Variants in CD99L2 observed in about 807,000 individuals in gnomAD.
CD99L2 encodes CD99 antigen-like protein 2.
In CD99L2, 24 loss-of-function variants were observed where a neutral mutation model predicts 27.3. The observed-to-expected ratio is 0.88, with a 90% CI of 0.64 to 1.24. CD99L2 has a LOEUF of 1.24. Among genes scored for constraint, CD99L2 ranks in the 50% most tolerant of loss-of-function variants. CD99L2 has a pLI of 0.00. For synonymous variants in CD99L2, 97 were observed against 87.9 expected, an observed-to-expected ratio of 1.10 and a Z score of -0.58; for missense variants, 255 against 221.6, an observed-to-expected ratio of 1.15 and a Z score of -0.96.
At chrX:150,776,407 C>T (rs2043554416) in intron 8 of CD99L2, 114 bp from the exon 9 acceptor site, 1 of 894,676 alleles carries the variant, frequency 1.1e-6, no homozygotes, top group Non-Finnish European at 1.5e-6. Context: ...CGCCCCCAAC[C>T]CCCAAGCCAG....
At chrX:150,896,081 A>AGCT (rs1486544682) in intron 1 of CD99L2, among the ~76,000 whole-genome samples, 19 of 109,596 alleles carry the variant, frequency 1.7e-4, no homozygotes, top group African/African-American at 6.3e-4. Context: ...TTGAAACCAA[A>AGCT]GCTGCTTCTG....
chrX:150,798,666 A>G (rs782164656), intron 4 of CD99L2, among the ~76,000 whole-genome samples: 3 of 71,546 alleles, frequency 4.2e-5, no homozygotes, highest in African/African-American at 5.4e-5. Flanking sequence ...ACTGGATTTG[A>G]TGATGATTTC....
intron 2 of CD99L2, among the ~76,000 whole-genome samples, chrX:150,823,442 C>T (rs150696818): frequency 0.055 from 6,106 of 110,220 alleles, 146 homozygotes; most frequent in South Asian, 0.13. Context: ...TGTGCCACCA[C>T]GCCCAGCTAA....
intron 1 of CD99L2, among the ~76,000 whole-genome samples, chrX:150,859,757 C>T (rs920840700): frequency 1.2e-4 from 13 of 109,822 alleles, no homozygotes; most frequent in African/African-American, 4.0e-4. Flanking sequence ...CCTCAGCCTC[C>T]CAAAGTGCTG....
chrX:150,834,220 A>T, intron 1 of CD99L2, among the ~76,000 whole-genome samples: 1 of 112,191 alleles, frequency 8.9e-6, no homozygotes, highest in Admixed American at 9.5e-5. Flanking sequence ...TGGGCTGGGC[A>T]CAGTGGCTCA....
chrX:150,896,063 C>T (rs1195821370), intron 1 of CD99L2, among the ~76,000 whole-genome samples: 1 of 107,196 alleles, frequency 9.3e-6, no homozygotes, highest in African/African-American at 3.4e-5. Flanking sequence ...GAAAACTGGG[C>T]CCTTATCTTG....
chrX:150,852,517 T>C (rs1386667723), intron 1 of CD99L2, among the ~76,000 whole-genome samples: 5 of 110,332 alleles, frequency 4.5e-5, no homozygotes, highest in Non-Finnish European at 7.6e-5. Context: ...CAGTGATTTC[T>C]AGTATATTCA....
intron 9 of CD99L2, among the ~76,000 whole-genome samples, chrX:150,770,965 T>C (rs2043441584): frequency 8.9e-6 from 1 of 112,504 alleles, no homozygotes; most frequent in South Asian, 3.6e-4. Context: ...GTCTAGTTAG[T>C]TATCTAGGCT....
At position 150,898,495 on chromosome X, in the gene CD99L2, TCCCCGCGCGCC is replaced by T. The variant is rs1162265657; in HGVS notation, c.67+16_67+26del. 23 of 1,084,580 alleles carry T rather than the reference TCCCCGCGCGCC, an allele frequency of 2.1e-5. No homozygotes were observed. The highest frequency in any genetic ancestry group is 2.6e-5 in the Non-Finnish European group (22 of 832,442). The allele number at this position is 1,084,580 out of a possible 1,213,427, so 89.4% of individuals were successfully genotyped here. A position where few individuals can be genotyped will look rare whatever the true frequency, so the allele number is the denominator to read the frequency against. ...CCCACAAGGCGGGGTCCCCGCGCGG[TCCCCGCGCGCC>T]CCCCGCCCGCCTTACCTCGCTGGAC... On this transcript the variant is annotated intron_variant, in intron 1 of 10. Transcript: ENST00000370377.
intron 1 of CD99L2, among the ~76,000 whole-genome samples, chrX:150,861,492 C>G (rs1202273876): frequency 3.6e-5 from 4 of 111,621 alleles, no homozygotes; most frequent in Non-Finnish European, 7.5e-5. Flanking sequence ...ATGAAGGCAC[C>G]AAGAACATGG....
At position 150,795,463 on chromosome X, in the gene CD99L2, T is replaced by C; in HGVS notation, c.301A>G (p.Thr101Ala). The C allele has an allele frequency of 8.3e-7, 1 of 1,211,318 alleles. No homozygotes were observed. Among genetic ancestry groups the C allele is most frequent in the Non-Finnish European group, 1.1e-6 (1 of 895,416 alleles). ...GRERWNHVTT[T>A]TKRPVTTRAP... Reference sequence around the variant, plus strand: ...CTGGTGGTTACTGGCCTCTTGGTCGTGGTGGTTACATGGTTCCATCTCTCT... The same window carrying C: ...CTGGTGGTTACTGGCCTCTTGGTCGCGGTGGTTACATGGTTCCATCTCTCT... Residue 101 changes from threonine to alanine, a missense_variant, in exon 5 of 11, where the codon ACG becomes GCG. Coordinates refer to ENST00000370377, the MANE Select transcript of CD99L2 (RefSeq NM_031462.4).
intron 1 of CD99L2, among the ~76,000 whole-genome samples, chrX:150,868,667 G>A (rs1430230321): frequency 8.9e-6 from 1 of 112,149 alleles, no homozygotes; most frequent in Non-Finnish European, 1.9e-5. Context: ...AGCCTTCCCA[G>A]CCTCTAGTAT....
At chrX:150,850,009 C>T (rs1031936095) in intron 1 of CD99L2, among the ~76,000 whole-genome samples, 6 of 111,919 alleles carry the variant, frequency 5.4e-5, no homozygotes, top group African/African-American at 2.0e-4. Flanking sequence ...ATTCAGCTGA[C>T]CTTTCCCCTT....
intron 1 of CD99L2, among the ~76,000 whole-genome samples, chrX:150,889,097 T>A (rs1338949990): frequency 2.7e-5 from 3 of 112,967 alleles, no homozygotes; most frequent in African/African-American, 9.6e-5. Flanking sequence ...GTGTGTCTTT[T>A]AAGATACATG....
At chrX:150,897,526 A>AGTGTGTGTGTGTGTGTGT (rs58656065) in intron 1 of CD99L2, among the ~76,000 whole-genome samples, 1 of 103,815 alleles carries the variant, frequency 9.6e-6, no homozygotes, top group African/African-American at 3.5e-5. Context: ...ACTAGGACAA[A>AGTGTGTGTGTGTGTGTGT]GTGTGTGTGT....
intron 1 of CD99L2, among the ~76,000 whole-genome samples, chrX:150,846,249 T>G (rs781988938): frequency 1.2e-4 from 14 of 112,209 alleles, no homozygotes; most frequent in African/African-American, 4.5e-4. Flanking sequence ...ACTACATGTT[T>G]GTCAAAGGTG....
intron 1 of CD99L2, among the ~76,000 whole-genome samples, chrX:150,860,315 A>G (rs1430470403): frequency 0.089 from 4 of 45 alleles, no homozygotes; most frequent in Middle Eastern, 0.5. Context: ...GAAGAAACAT[A>G]CGTTCAAAAT....
intron 1 of CD99L2, among the ~76,000 whole-genome samples, chrX:150,849,384 C>T (rs1473049319): frequency 3.6e-5 from 4 of 110,263 alleles, no homozygotes; most frequent in African/African-American, 6.6e-5. Context: ...AGACCCTGTC[C>T]CTATAAAATT....
At chrX:150,816,210 A>C in intron 2 of CD99L2, 132 bp from the exon 3 acceptor site, 1 of 556,485 alleles carries the variant, frequency 1.8e-6, no homozygotes, top group Non-Finnish European at 3.1e-6. Context: ...TCTAGCTAGG[A>C]GCTCCAGAGA....
Sources: allele counts gnomAD v4.1 joint callset (sites outside exome capture counted in the v4.1 genomes callset), GRCh38; gene constraint gnomAD v4.1.1; transcripts MANE v1.5; gene names NCBI Gene and HGNC (gene_info 2026-07-23, HGNC 2026-07-21).